Variants in TBRG4 observed in about 807,000 individuals in gnomAD.
TBRG4 encodes transforming growth factor beta regulator 4.
Under a neutral mutation model 65.6 loss-of-function variants are expected in TBRG4, and 43 were observed. That is an observed-to-expected ratio of 0.66 (90% CI 0.51 to 0.85). The LOEUF is 0.85. TBRG4 is among the 40% of genes least tolerant of loss of function. The pLI, the probability that TBRG4 is intolerant of heterozygous loss-of-function variation, is 0.00. For missense variants in TBRG4, 709 were observed against 787.9 expected (o/e 0.90, Z 1.20); for synonymous variants, 366 against 341.4 (o/e 1.07, Z -0.79).
In TBRG4 at chr7:45,101,567, C is replaced by T. The variant is rs1264117568; in HGVS notation, c.1615G>A (p.Asp539Asn). Residue 539 changes from aspartate (D) to asparagine (N), a missense_variant, in exon 9 of 11, where the codon GAC (aspartate) becomes AAC (asparagine). By Grantham distance (23) the Asp-to-Asn change is conservative. Transcript: ENST00000258770. ...DSDGEFLPVRDFVAPHLAQPT... is the reference protein window; with the variant it reads ...DSDGEFLPVRNFVAPHLAQPT... ...TGGGCAAGGTGAGGTGCCACAAAGT[C>T]CCTTACGGGCAGAAACTCGCCGTCA... is the stretch of plus-strand genomic sequence containing the variant. 3 of 1,613,872 alleles carry T rather than the reference C, an allele frequency of 1.9e-6. No homozygotes were observed. Among genetic ancestry groups the T allele is most frequent in the South Asian group, 1.1e-5 (1 of 91,062 alleles).
rs552262677 is a variant in TBRG4 at position 45,108,538 on chromosome 7, G to A, written c.411+289C>T. On this transcript the variant is annotated intron_variant, in intron 2 of 10. Transcript: ENST00000258770. ...CAAGTCAAGACTATATGGTGAGGGG[G>A]AAAGCACCCAAAGAACTGAGAAGAA... is the stretch of plus-strand genomic sequence containing the variant. 7.9e-5 allele frequency among the ~76,000 whole-genome samples: 12 copies of A among 152,330 alleles called. No individual in the cohort carries two copies. The East Asian group carries it at 2.3e-3, about 29-fold the overall frequency.
chr7:45,111,556 G>T (rs944235537), intron 1 of TBRG4, 87 bp downstream of exon 1: 28 of 1,268,476 alleles, frequency 2.2e-5, no homozygotes, highest in Non-Finnish European at 2.9e-5. Flanking sequence ...CAGTTCCACC[G>T]CATCCCAGGA....
At chr7:45,100,497 G>T (rs1784732969) in intron 10 of TBRG4, 71 bp from the exon 11 acceptor site, 2 of 1,271,450 alleles carry the variant, frequency 1.6e-6, no homozygotes, top group African/African-American at 1.5e-5. Flanking sequence ...CTGCCTGCTT[G>T]CCTGCTGTCC....
At chr7:45,103,047 G>A (rs917961998) in intron 6 of TBRG4, 18 of 486,968 alleles carry the variant, frequency 3.7e-5, no homozygotes, top group Non-Finnish European at 6.4e-5. Flanking sequence ...CACATAGCAC[G>A]AAGGCCCACT....
intron 1 of TBRG4, 42 bp from the exon 2 acceptor site, chr7:45,109,329 G>C: frequency 6.9e-7 from 1 of 1,450,806 alleles, no homozygotes; most frequent in Middle Eastern, 2.5e-4. Flanking sequence ...TACAGGGGCA[G>C]TTCCTGACTC....
intron 3 of TBRG4, 124 bp from the exon 4 acceptor site, chr7:45,104,833 G>C: frequency 7.0e-7 from 1 of 1,431,932 alleles, no homozygotes; most frequent in East Asian, 2.3e-5. Flanking sequence ...GACTGGGCCT[G>C]AGCTGACTAA....
chr7:45,104,628 C>A lies in TBRG4; in HGVS notation c.817G>T (p.Val273Leu), dbSNP rs776985504. 1.2e-6 allele frequency: 2 copies of A among 1,613,792 alleles called. No individual in the cohort carries two copies. Among genetic ancestry groups the A allele is most frequent in the South Asian group, 1.1e-5 (1 of 91,094 alleles). ...TAGGAGATGGCCCGCAGCAAGGGCACGGACCGCCGGCTCTGAGCTGCCAGC... is the reference window on the plus strand; with the variant it reads ...TAGGAGATGGCCCGCAGCAAGGGCAAGGACCGCCGGCTCTGAGCTGCCAGC... ...VMLAAQSRRSVPLLRAISYHL... is the reference protein window; with the variant it reads ...VMLAAQSRRSLPLLRAISYHL... The change falls in exon 4 of 11, where the codon GTG (valine) becomes TTG (leucine). Residue 273 changes from valine to leucine, a missense_variant. Transcript: ENST00000258770.
Position 45,105,382 on chromosome 7 carries a change from G to A in TBRG4, c.735+59C>T, listed in dbSNP as rs565399503. The A allele has an allele frequency of 4.7e-4, 717 of 1,531,700 alleles. 4 individuals are homozygous for A. Among genetic ancestry groups the A allele is most frequent in the Admixed American group, 1.9e-3 (98 of 51,876 alleles). 94.9% of individuals were successfully genotyped at this position (1,531,700 alleles called of 1,614,324 possible). A position where few individuals can be genotyped will look rare whatever the true frequency, so the allele number is the denominator to read the frequency against. The stretch of plus-strand genomic sequence containing the variant: ...CCTCTGCAGACAACTGTCACCCAAA[G>A]AACAAGCCCAAAGCCCAGGGGAGGC... On this transcript the variant is annotated intron_variant, in intron 3 of 10. Coordinates refer to ENST00000258770, the MANE Select transcript of TBRG4 (RefSeq NM_004749.4).
In TBRG4 at chr7:45,109,079, G is replaced by T; in HGVS notation, c.159C>A (p.Ser53=). Residue 53 remains serine, a synonymous_variant, in exon 2 of 11, where the codon TCC becomes TCA. Coordinates refer to ENST00000258770, the MANE Select transcript of TBRG4 (RefSeq NM_004749.4). ...ATSPISHLPG[S]LMEPVEKERA... ...GTTCCTTCTCCACCGGCTCCATCAAGGAACCTGGGAGGTGGGAAATGGGTG... is the reference window on the plus strand; with the variant it reads ...GTTCCTTCTCCACCGGCTCCATCAATGAACCTGGGAGGTGGGAAATGGGTG... 6.2e-7 allele frequency: 1 copy of T among 1,614,146 alleles called. No homozygotes were observed. The highest frequency in any genetic ancestry group is 8.5e-7 in the Non-Finnish European group (1 of 1,179,996).
chr7:45,105,332 C>T, intron 3 of TBRG4, 109 bp downstream of exon 3: 2 of 1,256,260 alleles, frequency 1.6e-6, no homozygotes, highest in Non-Finnish European at 2.2e-6. Context: ...TCCCAGGGCT[C>T]TGATCCCAGT....
intron 10 of TBRG4, 65 bp from the exon 11 acceptor site, chr7:45,100,491 C>T: frequency 7.7e-7 from 1 of 1,297,918 alleles, no homozygotes. Flanking sequence ...GTGGCTCTGC[C>T]TGCTTGCCTG....
rs779401629 is a variant in TBRG4 at position 45,105,082 on chromosome 7, T to C, written c.735+359A>G. 5.9e-6 allele frequency: 4 copies of C among 682,740 alleles called. No homozygotes were observed. In the African/African-American group the frequency reaches 7.0e-5, roughly 12 times the overall value. The allele number at this position is 682,740 out of a possible 1,614,324, so 42.3% of individuals were successfully genotyped here. Reference sequence around the variant, plus strand: ...AGGGGTTAGCACATCTCCAGGAGAGTTCTAGCCAGAAGCCAGGCCTGGGCA... The same window carrying C: ...AGGGGTTAGCACATCTCCAGGAGAGCTCTAGCCAGAAGCCAGGCCTGGGCA... On this transcript the variant is annotated intron_variant, in intron 3 of 10. Transcript: ENST00000258770.
Position 45,104,189 on chromosome 7 carries a change from G to A in TBRG4, c.975C>T (p.Pro325=). Residue 325 remains proline (P), a synonymous_variant, in exon 5 of 11, where the codon CCC becomes CCT. Transcript: ENST00000258770. ...RLATDLLSLM[P]SLTSGEVAHC... ...GGGCCACCTCACCAGAAGTCAGGCT[G>A]GGCATGAGGGATAGCAGGTCGGTGG... is the stretch of plus-strand genomic sequence containing the variant. 1 of 1,614,106 alleles carries A rather than the reference G, an allele frequency of 6.2e-7. No homozygotes were observed. The highest frequency in any genetic ancestry group is 1.3e-5 in the African/African-American group (1 of 75,050).
rs1784863013 is a variant in TBRG4 at position 45,104,215 on chromosome 7, C to T, written c.949G>A (p.Ala317Thr). 3.1e-6 allele frequency: 5 copies of T among 1,614,112 alleles called. No homozygotes were observed. The African/African-American group carries it at 6.7e-5, about 22-fold the overall frequency. The change falls in exon 5 of 11, where the codon GCC (alanine) becomes ACC (threonine). Residue 317 changes from alanine to threonine, a missense_variant. Physicochemically the swap from Ala to Thr is moderately conservative, Grantham distance 58 (BLOSUM62 0). Coordinates refer to ENST00000258770, the MANE Select transcript of TBRG4 (RefSeq NM_004749.4). The stretch of plus-strand genomic sequence containing the variant: ...GGCATGAGGGATAGCAGGTCGGTGG[C>T]CAGGCGCTGGGACACCTGGGTCTGG... ...FHQTQVSQRL[A>T]TDLLSLMPSL...
rs574635601 is a variant in TBRG4, at chr7:45,111,245, C to G, written c.-51+398G>C. On this transcript the variant is annotated intron_variant, in intron 1 of 10. Transcript: ENST00000258770. Reference sequence around the variant, plus strand: ...GATTACCGGAGTGAGCCACCGCGCCCGGCCGCCTTTCCAATTTTTTAAGAG... The same window carrying G: ...GATTACCGGAGTGAGCCACCGCGCCGGGCCGCCTTTCCAATTTTTTAAGAG... 959 of 154,550 alleles carry G rather than the reference C, an allele frequency of 6.2e-3. 6 individuals carry two copies. Among genetic ancestry groups the G allele is most frequent in the Non-Finnish European group, 0.01 (706 of 68,768 alleles). 9.6% of individuals were successfully genotyped at this position (154,550 alleles called of 1,614,324 possible).
chr7:45,103,291 G>A (rs1380775323), intron 6 of TBRG4, 42 bp downstream of exon 6: 10 of 1,505,772 alleles, frequency 6.6e-6, no homozygotes, highest in Non-Finnish European at 9.2e-6. Context: ...ATTAGCTGAA[G>A]GGGAGGATAA....
chr7:45,104,093 GC>G lies in TBRG4; in HGVS notation c.1065+5del. 1 of 1,594,414 alleles carries G rather than the reference GC, an allele frequency of 6.3e-7. No individual in the cohort carries two copies. The highest frequency in any genetic ancestry group is 8.5e-7 in the Non-Finnish European group (1 of 1,170,606). ...TTCTCTGAGTTGGGGCCAGGCCCTGGCTCACCTGGGCAAAGGCCTCAAACAG... is the reference window on the plus strand; with the variant it reads ...TTCTCTGAGTTGGGGCCAGGCCCTGGTCACCTGGGCAAAGGCCTCAAACAG... On this transcript the variant is annotated splice_donor_5th_base_variant and intron_variant, in intron 5 of 10. Transcript: ENST00000258770.
chr7:45,109,668 G>C (rs1785070979), intron 1 of TBRG4, among the ~76,000 whole-genome samples: 1 of 151,956 alleles, frequency 6.6e-6, no homozygotes, highest in Non-Finnish European at 1.5e-5. Context: ...TATTTCAAGG[G>C]TAACCAGGAT....
In TBRG4 at chr7:45,100,217, C is replaced by G; in HGVS notation, c.*108G>C. The G allele has an allele frequency of 1.2e-6, 1 of 860,652 alleles. No individual in the cohort carries two copies. The allele number at this position is 860,652 out of a possible 1,614,324, so 53.3% of individuals were successfully genotyped here. On this transcript the variant is annotated 3_prime_UTR_variant, in exon 11 of 11. Transcript: ENST00000258770. ...TCAGAGTGGCTGGCCACCCTCCCCA[C>G]TCTGGCCAAGGTCCTGCACAGAGGT...
Sources: gnomAD v4.1 joint callset for allele counts (sites outside exome capture counted in the v4.1 genomes callset) on GRCh38, gnomAD v4.1.1 for gene constraint, MANE v1.5 for transcripts, NCBI Gene and HGNC (gene_info 2026-07-23, HGNC 2026-07-21) for gene names.